Variants in KIF13A observed in about 807,000 individuals in gnomAD.
KIF13A encodes kinesin family member 13A.
In KIF13A, 79 loss-of-function variants were observed where a neutral mutation model predicts 212.2. The observed-to-expected ratio is 0.37, with a 90% CI of 0.31 to 0.45. KIF13A has a LOEUF of 0.45. Among genes scored for constraint, KIF13A ranks in the 20% least tolerant of loss-of-function variants. KIF13A has a pLI of 1.00. For missense variants in KIF13A, 1,901 were observed against 2,209.0 expected (o/e 0.86, Z 2.79); for synonymous variants, 789 against 808.6 (o/e 0.98, Z 0.41).
intron 20 of KIF13A, among the ~76,000 whole-genome samples, chr6:17,801,030 C>T (rs1389476739): frequency 6.6e-6 from 1 of 152,062 alleles, no homozygotes; most frequent in East Asian, 1.9e-4. Flanking sequence ...ACATGCCTGG[C>T]TATCCATGTT....
intron 2 of KIF13A, among the ~76,000 whole-genome samples, chr6:17,976,363 C>T (rs1174972800): frequency 6.6e-6 from 1 of 152,208 alleles, no homozygotes; most frequent in Non-Finnish European, 1.5e-5. Flanking sequence ...GGCGAGAAAT[C>T]GAGCGCAGCG....
At chr6:17,911,769 T>C (rs1376113827) in intron 2 of KIF13A, among the ~76,000 whole-genome samples, 1 of 16,108 alleles carries the variant, frequency 6.2e-5, no homozygotes, top group Admixed American at 4.2e-4. Flanking sequence ...TCAATAATAA[T>C]TTTTTTTTTT....
At chr6:17,876,543 T>A (rs1044217207) in intron 3 of KIF13A, among the ~76,000 whole-genome samples, 9 of 152,184 alleles carry the variant, frequency 5.9e-5, no homozygotes, top group Non-Finnish European at 1.2e-4. Context: ...CTTACAACAC[T>A]GTTTAGTCCT....
intron 2 of KIF13A, among the ~76,000 whole-genome samples, chr6:17,941,974 C>T (rs1776994385): frequency 6.6e-6 from 1 of 151,940 alleles, no homozygotes; most frequent in South Asian, 2.1e-4. Context: ...TTAACTTGTT[C>T]TCTGAATACC....
At chr6:17,889,058 T>G (rs1311240287) in intron 3 of KIF13A, among the ~76,000 whole-genome samples, 1 of 152,096 alleles carries the variant, frequency 6.6e-6, no homozygotes, top group African/African-American at 2.4e-5. Context: ...ACTCACCTCA[T>G]TGAGGCCAAA....
At position 17,963,549 on chromosome 6, in the gene KIF13A, A is replaced by G. The variant is rs1779033642; in HGVS notation, c.146+23505T>C. Among the ~76,000 whole-genome samples, 1 of 152,222 alleles carries G rather than the reference A, an allele frequency of 6.6e-6. No individual in the cohort carries two copies. The highest frequency in any genetic ancestry group is 6.5e-5 in the Admixed American group (1 of 15,274). On this transcript the variant is annotated intron_variant, in intron 2 of 38. Coordinates refer to ENST00000259711, the MANE Select transcript of KIF13A (RefSeq NM_022113.6). The surrounding 1 kb of genome is among the most constrained non-coding windows in gnomAD (Gnocchi z 4.1). ...CCAAGAGATTTGAGATTTGTAGGAT[A>G]GATTTGTTCTATATCTTTCTTTTTT... is the stretch of plus-strand genomic sequence containing the variant.
chr6:17,966,473 C>A (rs1247046361), intron 2 of KIF13A, among the ~76,000 whole-genome samples: 13 of 104,576 alleles, frequency 1.2e-4, no homozygotes, highest in South Asian at 2.9e-4. Context: ...TGACAGTGAG[C>A]AGGATTCTTT....
chr6:17,778,603 G>C (rs746216328), intron 33 of KIF13A, among the ~76,000 whole-genome samples: 2 of 152,154 alleles, frequency 1.3e-5, no homozygotes, highest in Admixed American at 6.6e-5. Context: ...CCACTTCCTA[G>C]CTGTGTAACC....
rs1356593399 is a variant in KIF13A, at chr6:17,808,833, T to C, written c.2098A>G (p.Ser700Gly). The stretch of plus-strand genomic sequence containing the variant: ...GTCACTTGGTAATCGGTGAGTTTGC[T>C]CATTTCCTCAGCCAGGAAGTTTGCT... Reference protein sequence around the residue: ...REANFLAEEMSKLTDYQVTLQ... With the variant: ...REANFLAEEMGKLTDYQVTLQ... The change falls in exon 18 of 39, where the codon AGC becomes GGC. Residue 700 changes from serine to glycine, a missense_variant. Physicochemically the swap from Ser to Gly is moderately conservative, Grantham distance 56. Around this residue, in one of 5 missense-constraint regions of KIF13A, gnomAD observed 534 missense variants for 536.9 expected, o/e 0.99. Transcript: ENST00000259711. 6.2e-7 allele frequency: 1 copy of C among 1,613,922 alleles called. No individual in the cohort carries two copies. Among genetic ancestry groups the C allele is most frequent in the Admixed American group, 1.7e-5 (1 of 60,004 alleles).
chr6:17,840,247 G>T (rs1766381791), intron 9 of KIF13A, among the ~76,000 whole-genome samples: 1 of 151,986 alleles, frequency 6.6e-6, no homozygotes, highest in South Asian at 2.1e-4. Flanking sequence ...TAATACAGCT[G>T]TTCAAAAAAA....
chr6:17,966,052 G>T (rs1369327102), intron 2 of KIF13A, among the ~76,000 whole-genome samples: 1 of 152,166 alleles, frequency 6.6e-6, no homozygotes, highest in Non-Finnish European at 1.5e-5. Context: ...AAATTAGCTG[G>T]ATGTGATGGC....
chr6:17,845,199 C>T (rs1766900127), intron 9 of KIF13A, among the ~76,000 whole-genome samples: 1 of 152,094 alleles, frequency 6.6e-6, no homozygotes, highest in Non-Finnish European at 1.5e-5. Context: ...ATGAGAACAG[C>T]ATGAGGGAAA....
chr6:17,773,498 G>T lies in KIF13A; in HGVS notation c.4304C>A (p.Ser1435Tyr). The T allele has an allele frequency of 6.3e-7, 1 of 1,599,262 alleles. No homozygotes were observed. The highest frequency in any genetic ancestry group is 8.6e-7 in the Non-Finnish European group (1 of 1,167,084). ...VACYGTLPRD[S>Y]PRRNKEGCTS... ...ACTACCTTCTTTATTCCTTCGAGGAGAATCCCTGGGTAAAGTTCCATAACA... is the reference window on the plus strand; with the variant it reads ...ACTACCTTCTTTATTCCTTCGAGGATAATCCCTGGGTAAAGTTCCATAACA... The change falls in exon 36 of 39, where the codon TCT (serine) becomes TAT (tyrosine). Residue 1435 changes from serine (S) to tyrosine (Y), a missense_variant. This residue lies in a region of KIF13A where 687 missense variants were observed against 759.1 expected (regional missense o/e 0.90). Coordinates refer to ENST00000259711, the MANE Select transcript of KIF13A (RefSeq NM_022113.6). The surrounding 1 kb of genome is among the most constrained non-coding windows in gnomAD (Gnocchi z 4.2).
intron 16 of KIF13A, among the ~76,000 whole-genome samples, chr6:17,819,357 G>A (rs562724827): frequency 6.6e-6 from 1 of 152,270 alleles, no homozygotes; most frequent in African/African-American, 2.4e-5. Context: ...GAGGTCAGGA[G>A]TTCAAGATCT....
chr6:17,781,389 T>C, intron 29 of KIF13A, 88 bp from the exon 30 acceptor site: 1 of 1,372,474 alleles, frequency 7.3e-7, no homozygotes, highest in Non-Finnish European at 9.8e-7. Flanking sequence ...CTTTTTACAG[T>C]TGAAGTTTAC....
At chr6:17,780,675 G>GGGAAAAATC (rs1224252021) in intron 31 of KIF13A, 55 bp downstream of exon 31, 1 of 1,535,826 alleles carries the variant, frequency 6.5e-7, no homozygotes, top group African/African-American at 1.4e-5. Flanking sequence ...GATAGAGAGA[G>GGGAAAAATC]GGAAAAATCT....
At chr6:17,818,327 C>T (rs980167091) in intron 16 of KIF13A, among the ~76,000 whole-genome samples, 1 of 152,118 alleles carries the variant, frequency 6.6e-6, no homozygotes. Flanking sequence ...ATTAAAGTGA[C>T]TCAGGAGGAA....
At position 17,872,541 on chromosome 6, in the gene KIF13A, G is replaced by A. The variant is rs112758069; in HGVS notation, c.220+836C>T. 6.9e-3 allele frequency among the ~76,000 whole-genome samples: 1,056 copies of A among 152,296 alleles called. 15 individuals are homozygous for A. Among genetic ancestry groups the A allele is most frequent in the African/African-American group, 0.024 (993 of 41,556 alleles). Reference sequence around the variant, plus strand: ...GATAAGTTCATGAGGTAAAGCATGTGTTAATTAGCTCAATTTAGCCATTCC... The same window carrying A: ...GATAAGTTCATGAGGTAAAGCATGTATTAATTAGCTCAATTTAGCCATTCC... On this transcript the variant is annotated intron_variant, in intron 4 of 38. Coordinates refer to ENST00000259711, the MANE Select transcript of KIF13A (RefSeq NM_022113.6). This position sits in a 1 kb window ranked among gnomAD's most constrained non-coding sequence, Gnocchi z 4.7.
chr6:17,919,626 C>G lies in KIF13A; in HGVS notation c.147-21446G>C, dbSNP rs966526. On this transcript the variant is annotated intron_variant, in intron 2 of 38. Coordinates refer to ENST00000259711, the MANE Select transcript of KIF13A (RefSeq NM_022113.6). This position sits in a 1 kb window ranked among gnomAD's most constrained non-coding sequence, Gnocchi z 4.1. ...CTAATGCACTCAGTGGCTGCTTTAC[C>G]TACCCTGATTTGACCTGTTCTATTA... Among the ~76,000 whole-genome samples, 2 of 152,116 alleles carry G rather than the reference C, an allele frequency of 1.3e-5. No homozygotes were observed. The highest frequency in any genetic ancestry group is 2.4e-5 in the African/African-American group (1 of 41,384).
Sources: gnomAD v4.1 joint callset for allele counts (sites outside exome capture counted in the v4.1 genomes callset) on GRCh38, gnomAD v4.1.1 for gene constraint, gnomAD v4.1.1 regional missense constraint, Gnocchi (gnomAD v3.1) non-coding constraint, MANE v1.5 for transcripts, NCBI Gene and HGNC (gene_info 2026-07-23, HGNC 2026-07-21) for gene names.